The following MYO7A variants were observed in gnomAD, a reference collection of about 807,000 sequenced individuals.
MYO7A encodes the protein unconventional myosin-VIIa.
Under a neutral mutation model 263.8 loss-of-function variants are expected in MYO7A, and 210 were observed. The ratio of observed to expected loss-of-function variants is 0.80; its 90% CI spans 0.71 to 0.89. MYO7A has a LOEUF of 0.89. MYO7A is among the 40% of genes least tolerant of loss of function. MYO7A has a pLI of 0.00. For missense variants in MYO7A, 2,820 were observed against 2,968.3 expected (o/e 0.95, Z 1.16); for synonymous variants, 1,239 against 1,197.3 (o/e 1.03, Z -0.72).
chr11:77,207,370 G>T lies in MYO7A; in HGVS notation c.5824G>T (p.Gly1942Ter), dbSNP rs111033192. 6.0e-5 allele frequency: 97 copies of T among 1,611,392 alleles called. No individual in the cohort carries two copies. The highest frequency in any genetic ancestry group is 8.1e-5 in the Non-Finnish European group (96 of 1,178,894). Residue 1942 changes from glycine (G) to a stop codon, truncating the protein, a stop_gained, in exon 42 of 49, where the codon GGA becomes TGA. Coordinates refer to ENST00000409709, the MANE Select transcript of MYO7A (RefSeq NM_000260.4). LOFTEE classifies it high-confidence loss of function. ...ATRLLLKSSE[G>*]FSLFVKIADK... ...CAGGCTGCTCCTCAAGTCCTCAGAG[G>T]GATTCAGCCTCTTTGTCAAAATTGC...
chr11:77,160,349 G>T (rs1952880986), intron 11 of MYO7A, 67 bp downstream of exon 11: 1 of 1,516,120 alleles, frequency 6.6e-7, no homozygotes, highest in African/African-American at 1.4e-5. Flanking sequence ...TGATGGGCAG[G>T]TGCCAAGGAG....
Position 77,147,815 on chromosome 11 carries a change from G to T in MYO7A, c.150G>T (p.Pro50=), listed in dbSNP as rs782777804. The T allele has an allele frequency of 6.2e-7, 1 of 1,610,252 alleles. No homozygotes were observed. The change falls in exon 4 of 49, where the codon CCG becomes CCT. Residue 50 remains proline (P), a synonymous_variant. Coordinates refer to ENST00000409709, the MANE Select transcript of MYO7A (RefSeq NM_000260.4). ...CCCCGCAGGAACACTGGATCTCTCC[G>T]CAGAACGCAACGCACATCAAGCCTA... The part of the protein sequence containing the change: ...DDEDNEHWIS[P]QNATHIKPMH...
chr11:77,214,707 G>A lies in MYO7A; in HGVS notation c.*11G>A, dbSNP rs750040829. The A allele has an allele frequency of 3.2e-6, 5 of 1,557,868 alleles. No homozygotes were observed. The highest frequency in any genetic ancestry group is 1.2e-5 in the South Asian group (1 of 84,568). On this transcript the variant is annotated 3_prime_UTR_variant, in exon 49 of 49. Transcript: ENST00000409709. The stretch of plus-strand genomic sequence containing the variant: ...AGGAGCGGCAAGTGAACAGTCACGG[G>A]GAGGTGCTGGTTCCATGCCTGCTCT...
chr11:77,208,556 G>A (rs1184541036), intron 43 of MYO7A, 39 bp downstream of exon 43: 10 of 1,587,886 alleles, frequency 6.3e-6, no homozygotes, highest in African/African-American at 2.7e-5. Context: ...GAGGCCCAGA[G>A]CAGGGAAGTG....
At chr11:77,191,193 G>C (rs920836893) in intron 30 of MYO7A, 2 of 199,702 alleles carry the variant, frequency 1.0e-5, no homozygotes, top group African/African-American at 4.6e-5. Flanking sequence ...GGTGGCGCAC[G>C]CCTGTAGTCC....
At chr11:77,159,407 A>AC in intron 9 of MYO7A, 40 bp from the exon 10 acceptor site, 10 of 426,906 alleles carry the variant, frequency 2.3e-5, no homozygotes, top group Admixed American at 2.7e-5. Flanking sequence ...CCTGTTGCCC[A>AC]CCCTCCCTCC....
chr11:77,184,907 G>A lies in MYO7A; in HGVS notation c.3503+192G>A. 3 of 992,574 alleles carry A rather than the reference G, an allele frequency of 3.0e-6. 1 individual carries two copies. In the Middle Eastern group the frequency reaches 6.1e-4, roughly 200 times the overall value. 61.5% of individuals were successfully genotyped at this position (992,574 alleles called of 1,614,324 possible). On this transcript the variant is annotated intron_variant, in intron 27 of 48. Transcript: ENST00000409709. The stretch of plus-strand genomic sequence containing the variant: ...CTCTGATTCCTTGTCTGTAAAGGGG[G>A]AATCCTAAAACAGGCATCCCTTGGA...
chr11:77,179,269 C>G, intron 20 of MYO7A, 140 bp downstream of exon 20: 1 of 695,698 alleles, frequency 1.4e-6, no homozygotes, highest in Admixed American at 2.8e-5. Context: ...CAGCCACTAC[C>G]ATTCCTCCAG....
Position 77,174,854 on chromosome 11 carries a change from C to G in MYO7A, c.2034C>G (p.Phe678Leu). Residue 678 changes from phenylalanine to leucine, a missense_variant, in exon 17 of 49, where the codon TTC becomes TTG. By Grantham distance (22) the Phe-to-Leu change is conservative. Transcript: ENST00000409709. ...CTGGCTACCCCATCCGCTACAGCTT[C>G]GTAGAGTTTGTGGAGCGGTACCGTG... is the stretch of plus-strand genomic sequence containing the variant. ...RRAGYPIRYSFVEFVERYRVL... is the reference protein window; with the variant it reads ...RRAGYPIRYSLVEFVERYRVL... 2 of 1,613,728 alleles carry G rather than the reference C, an allele frequency of 1.2e-6. No homozygotes were observed. Among genetic ancestry groups the G allele is most frequent in the Non-Finnish European group, 1.7e-6 (2 of 1,179,878 alleles).
intron 16 of MYO7A, 55 bp downstream of exon 16, chr11:77,172,940 C>T (rs1358087949): frequency 2.6e-6 from 4 of 1,513,762 alleles, no homozygotes; most frequent in African/African-American, 2.8e-5. Context: ...CGTGGAGGAG[C>T]TAGGTCAAGA....
At chr11:77,168,164 C>A (rs1555073872) in intron 15 of MYO7A, among the ~76,000 whole-genome samples, 1 of 151,900 alleles carries the variant, frequency 6.6e-6, no homozygotes, top group East Asian at 1.9e-4. Context: ...ACCCGTTCTT[C>A]TCTCTCCTCT....
intron 16 of MYO7A, among the ~76,000 whole-genome samples, chr11:77,174,022 C>T (rs1555078347): frequency 6.6e-6 from 1 of 152,016 alleles, no homozygotes; most frequent in African/African-American, 2.4e-5. Context: ...CCCTTGCCTC[C>T]TGTCCTGCCT....
At chr11:77,198,905 T>C (rs960136585) in intron 34 of MYO7A, among the ~76,000 whole-genome samples, 4 of 152,252 alleles carry the variant, frequency 2.6e-5, no homozygotes, top group Admixed American at 6.5e-5. Flanking sequence ...TTCAGGGGAC[T>C]GAGTAGCACT....
chr11:77,162,124 G>A lies in MYO7A; in HGVS notation c.1348G>A (p.Glu450Lys). ...GFENFAVNSFEQLCINFANEH... is the reference protein window; with the variant it reads ...GFENFAVNSFKQLCINFANEH... The stretch of plus-strand genomic sequence containing the variant: ...CCCATCCCTGTGCCCCTGCAGCTTT[G>A]AGCAGCTCTGCATCAACTTCGCCAA... Residue 450 changes from glutamate (E) to lysine (K), a missense_variant, in exon 13 of 49, where the codon GAG becomes AAG. Glu to Lys is a moderately conservative substitution (Grantham distance 56). Transcript: ENST00000409709. The A allele has an allele frequency of 6.3e-7, 1 of 1,598,096 alleles. No homozygotes were observed. The highest frequency in any genetic ancestry group is 8.5e-7 in the Non-Finnish European group (1 of 1,172,390).
intron 4 of MYO7A, among the ~76,000 whole-genome samples, chr11:77,153,007 C>A (rs1952108466): frequency 6.6e-6 from 1 of 151,984 alleles, no homozygotes; most frequent in Non-Finnish European, 1.5e-5. Context: ...GGGCTTGGGG[C>A]CTTGTGGACA....
At chr11:77,168,136 A>G (rs1953729868) in intron 15 of MYO7A, among the ~76,000 whole-genome samples, 1 of 151,766 alleles carries the variant, frequency 6.6e-6, no homozygotes, top group South Asian at 2.1e-4. Context: ...CTCTGGTTAA[A>G]CCCCATCTTC....
At chr11:77,182,258 G>C in intron 24 of MYO7A, 104 bp downstream of exon 24, 1 of 1,486,120 alleles carries the variant, frequency 6.7e-7, no homozygotes, top group Non-Finnish European at 9.1e-7. Flanking sequence ...GTGGGTCCCT[G>C]GGGGCCAGGG....
intron 16 of MYO7A, among the ~76,000 whole-genome samples, chr11:77,173,838 G>A (rs1954367750): frequency 6.6e-6 from 1 of 152,116 alleles, no homozygotes; most frequent in Non-Finnish European, 1.5e-5. Flanking sequence ...AGGGGCCTGA[G>A]GGTCGCAGAG....
chr11:77,166,863 A>G lies in MYO7A; in HGVS notation c.1797+701A>G, dbSNP rs144279129. Among the ~76,000 whole-genome samples, 100 of 151,990 alleles carry G rather than the reference A, an allele frequency of 6.6e-4. 1 individual carries two copies. The highest frequency in any genetic ancestry group is 2.1e-3 in the Admixed American group (32 of 15,292). ...CCCCCTCTCTCCATGGTGGATTTTG[A>G]GTGGTTTTGTGACCCACCACATTCT... is the stretch of plus-strand genomic sequence containing the variant. On this transcript the variant is annotated intron_variant, in intron 15 of 48. Transcript: ENST00000409709.
Sources: allele counts gnomAD v4.1 joint callset (sites outside exome capture counted in the v4.1 genomes callset), GRCh38; gene constraint gnomAD v4.1.1; transcripts MANE v1.5; gene names NCBI Gene and HGNC (gene_info 2026-07-23, HGNC 2026-07-21).